CFAP47: variants seen among roughly 807,000 people sequenced by gnomAD.
CFAP47 encodes cilia and flagella associated protein 47.
Under a neutral mutation model 148.1 loss-of-function variants are expected in CFAP47, and 29 were observed. The observed-to-expected ratio is 0.20, with a 90% confidence interval of 0.15 to 0.27. The LOEUF is 0.27. Among genes scored for constraint, CFAP47 ranks in the 10% least tolerant of loss-of-function variants. CFAP47 has a pLI of 1.00. For synonymous variants in CFAP47, 664 were observed against 577.3 expected, an observed-to-expected ratio of 1.15 and a Z score of -2.15; for missense variants, 1,872 against 1,697.5, an observed-to-expected ratio of 1.10 and a Z score of -1.81.
intron 60 of CFAP47, among the ~76,000 whole-genome samples, chrX:36,358,023 T>C (rs1439615016): frequency 1.8e-5 from 2 of 111,940 alleles, no homozygotes; most frequent in Non-Finnish European, 3.8e-5. Context: ...AGGTTTGGCC[T>C]GTAATCACAA....
At chrX:36,188,763 G>A in intron 41 of CFAP47, 73 bp downstream of exon 41, 3 of 290,589 alleles carry the variant, frequency 1.0e-5, no homozygotes, top group East Asian at 9.7e-5. Flanking sequence ...TATGAAATGA[G>A]ATATTCAACA....
chrX:36,235,769 A>G (rs1162204427), intron 46 of CFAP47, among the ~76,000 whole-genome samples, 165 bp from the exon 47 acceptor site: 1 of 112,623 alleles, frequency 8.9e-6, no homozygotes, highest in Non-Finnish European at 1.9e-5. Context: ...TGGCTCCAGC[A>G]CATCGATATT....
At chrX:35,998,705 T>C (rs1180971405) in intron 19 of CFAP47, among the ~76,000 whole-genome samples, 1 of 111,600 alleles carries the variant, frequency 9.0e-6, no homozygotes, top group Admixed American at 9.6e-5. Flanking sequence ...GGTGAAGGCA[T>C]AAGTCCAGGT....
chrX:36,064,717 A>C (rs1306393512), intron 26 of CFAP47, among the ~76,000 whole-genome samples: 2 of 111,889 alleles, frequency 1.8e-5, no homozygotes, highest in Non-Finnish European at 3.8e-5. Context: ...TTGGTATTCT[A>C]TAATGCAGAT....
intron 39 of CFAP47, among the ~76,000 whole-genome samples, chrX:36,168,848 C>G (rs1475682894): frequency 1.8e-5 from 2 of 112,098 alleles, no homozygotes; most frequent in African/African-American, 6.5e-5. Flanking sequence ...CTTTTATTAC[C>G]TCTTGTGGTT....
chrX:36,152,506 A>G (rs1939320294), intron 37 of CFAP47, among the ~76,000 whole-genome samples: 1 of 111,451 alleles, frequency 9.0e-6, no homozygotes, highest in Non-Finnish European at 1.9e-5. Flanking sequence ...CACAACAGGA[A>G]TGCCTATTGG....
intron 62 of CFAP47, among the ~76,000 whole-genome samples, chrX:36,377,962 C>T (rs912813105): frequency 3.6e-5 from 4 of 111,579 alleles, no homozygotes; most frequent in South Asian, 3.7e-4. Flanking sequence ...GGTTCCAATC[C>T]GCAGTCCATG....
In CFAP47 at chrX:36,009,425, A is replaced by G. The variant is rs766881013; in HGVS notation, c.3418-5349A>G. On this transcript the variant is annotated intron_variant, in intron 21 of 63. Transcript: ENST00000378653. Reference sequence around the variant, plus strand: ...CTAAGATTCCAGGGAAATAAGATCAAGCAAAGTTGTTGTTGTTTTTTCTTA... The same window carrying G: ...CTAAGATTCCAGGGAAATAAGATCAGGCAAAGTTGTTGTTGTTTTTTCTTA... Among the ~76,000 whole-genome samples the G allele has an allele frequency of 9.0e-4, 101 of 112,081 alleles. 1 individual carries two copies. Among genetic ancestry groups the G allele is most frequent in the Non-Finnish European group, 7.1e-4 (38 of 53,218 alleles).
At chrX:36,084,481 A>G (rs1938043744) in intron 29 of CFAP47, among the ~76,000 whole-genome samples, 1 of 111,392 alleles carries the variant, frequency 9.0e-6, no homozygotes, top group Non-Finnish European at 1.9e-5. Context: ...GCCCAGTGGA[A>G]CGTATTTTCT....
intron 32 of CFAP47, among the ~76,000 whole-genome samples, chrX:36,103,287 G>C (rs759005520): frequency 6.5e-5 from 7 of 107,976 alleles, no homozygotes; most frequent in Non-Finnish European, 9.6e-5. Context: ...TTTCAATCAG[G>C]TTTCGCTGTG....
rs765859121 is a variant in CFAP47 at position 35,967,601 on chromosome X, T to C, written c.1601-18T>C. On this transcript the variant is annotated intron_variant, in intron 9 of 63. Transcript: ENST00000378653. ...ATTAAAAATACCATCTATAAACTTATATTCAATTCTATAAAAGGTATATTG... is the reference window on the plus strand; with the variant it reads ...ATTAAAAATACCATCTATAAACTTACATTCAATTCTATAAAAGGTATATTG... 44 of 1,130,804 alleles carry C rather than the reference T, an allele frequency of 3.9e-5. No individual in the cohort carries two copies. The East Asian group carries it at 4.5e-4, about 12-fold the overall frequency. The allele number at this position is 1,130,804 out of a possible 1,213,427, so 93.2% of individuals were successfully genotyped here. A position where few individuals can be genotyped will look rare whatever the true frequency, so the allele number is the denominator to read the frequency against.
chrX:36,175,129 T>G (rs9763276), intron 39 of CFAP47, among the ~76,000 whole-genome samples: 2 of 109,201 alleles, frequency 1.8e-5, no homozygotes, highest in East Asian at 2.9e-4. Flanking sequence ...ACGTAGTTCT[T>G]GAGCCTTGGT....
intron 49 of CFAP47, among the ~76,000 whole-genome samples, chrX:36,269,910 G>A (rs373165446): frequency 2.7e-5 from 3 of 111,591 alleles, no homozygotes; most frequent in African/African-American, 9.8e-5. Context: ...AAATCATACA[G>A]TGTGCACAGT....
At chrX:36,060,813 T>C (rs768385109) in intron 26 of CFAP47, among the ~76,000 whole-genome samples, 1 of 111,693 alleles carries the variant, frequency 9.0e-6, no homozygotes, top group Non-Finnish European at 1.9e-5. Flanking sequence ...GCTAACATAT[T>C]ATGGGTTATT....
rs781844110 is a variant in CFAP47, at chrX:36,303,832, C to CT, written c.7971-8dup. 4.9e-4 allele frequency: 461 copies of CT among 947,643 alleles called. No individual in the cohort carries two copies. The highest frequency in any genetic ancestry group is 6.1e-4 in the Admixed American group (16 of 26,331). 78.1% of individuals were successfully genotyped at this position (947,643 alleles called of 1,213,427 possible). A position where few individuals can be genotyped will look rare whatever the true frequency, so the allele number is the denominator to read the frequency against. ...TTATGAATACCAGCAACTTTACTAGCTTTTTTTTTCTCCTAGGCATGTCAC... is the reference window on the plus strand; with the variant it reads ...TTATGAATACCAGCAACTTTACTAGCTTTTTTTTTTCTCCTAGGCATGTCAC... On this transcript the variant is annotated splice_polypyrimidine_tract_variant and intron_variant, in intron 53 of 63. Transcript: ENST00000378653.
chrX:35,920,189 T>G, intron 1 of CFAP47, 141 bp downstream of exon 1: 1 of 649,983 alleles, frequency 1.5e-6, no homozygotes, highest in Non-Finnish European at 2.2e-6. Flanking sequence ...AGTGACAGGT[T>G]TCTGTGTGTG....
chrX:36,054,513 T>G (rs1164733553), intron 26 of CFAP47, among the ~76,000 whole-genome samples: 2 of 111,975 alleles, frequency 1.8e-5, no homozygotes, highest in Non-Finnish European at 3.8e-5. Context: ...CATTTAAATA[T>G]TTTATTAAAT....
intron 61 of CFAP47, among the ~76,000 whole-genome samples, chrX:36,361,968 G>A (rs1941832581): frequency 9.0e-6 from 1 of 111,492 alleles, no homozygotes; most frequent in African/African-American, 3.3e-5. Context: ...GTGAATCTGT[G>A]CGAAGGGTGG....
At chrX:36,041,246 G>C (rs5973563) in intron 25 of CFAP47, among the ~76,000 whole-genome samples, 9,011 of 110,197 alleles carry the variant, frequency 0.082, 924 homozygotes, top group African/African-American at 0.28. Flanking sequence ...AAGTTGACAA[G>C]GAACAAAACA....
Sources: allele counts gnomAD v4.1 joint callset (sites outside exome capture counted in the v4.1 genomes callset), GRCh38; gene constraint gnomAD v4.1.1; transcripts MANE v1.5; gene names NCBI Gene and HGNC (gene_info 2026-07-23, HGNC 2026-07-21).